Variants in PLCB4 observed in about 807,000 individuals in gnomAD.
PLCB4 encodes phospholipase C beta 4, also known as 1-phosphatidylinositol 4,5-bisphosphate phosphodiesterase beta-4.
A neutral mutation model predicts 178.8 loss-of-function variants in PLCB4; 77 were observed. That is an observed-to-expected ratio of 0.43 (90% CI 0.36 to 0.52). PLCB4 has a LOEUF of 0.52. Ranked by LOEUF, PLCB4 falls within the 20% of genes least tolerant of loss-of-function variation. The pLI is 0.00. For synonymous variants in PLCB4, 496 were observed against 490.8 expected, an observed-to-expected ratio of 1.01 and a Z score of -0.14; for missense variants, 1,024 against 1,453.4, an observed-to-expected ratio of 0.70 and a Z score of 4.80.
intron 2 of PLCB4, among the ~76,000 whole-genome samples, chr20:9,098,836 A>G (rs1195858215): frequency 1.4e-5 from 2 of 147,884 alleles, no homozygotes; most frequent in Non-Finnish European, 3.0e-5. Context: ...GGTCTTTTAC[A>G]ATACTCCACA....
chr20:9,221,094 G>T (rs188106848), intron 3 of PLCB4, among the ~76,000 whole-genome samples: 30 of 152,250 alleles, frequency 2.0e-4, no homozygotes, highest in Non-Finnish European at 2.5e-4. Flanking sequence ...GCTCCCAGGA[G>T]AAACTAGTGA....
Position 9,181,225 on chromosome 20 carries a change from G to C in PLCB4, c.-78-36165G>C, listed in dbSNP as rs964862004. 1.2e-4 allele frequency among the ~76,000 whole-genome samples: 18 copies of C among 152,220 alleles called. 1 individual carries two copies. Among genetic ancestry groups the C allele is most frequent in the Admixed American group, 7.9e-4 (12 of 15,276 alleles). ...TAGTCTTTTTGAGACCTCCCAAATGGTGCTGATCTAATTCATTTCTGCAAA... is the reference window on the plus strand; with the variant it reads ...TAGTCTTTTTGAGACCTCCCAAATGCTGCTGATCTAATTCATTTCTGCAAA... On this transcript the variant is annotated intron_variant, in intron 2 of 39. Coordinates refer to ENST00000378473, the MANE Select transcript of PLCB4 (RefSeq NM_001377142.1).
chr20:9,096,618 C>T (rs2090920385), intron 2 of PLCB4, among the ~76,000 whole-genome samples: 3 of 152,078 alleles, frequency 2.0e-5, no homozygotes, highest in African/African-American at 7.2e-5. Flanking sequence ...TTTTTTATTG[C>T]AATACATTTA....
At chr20:9,292,936 G>T (rs921930650) in intron 3 of PLCB4, among the ~76,000 whole-genome samples, 5 of 152,050 alleles carry the variant, frequency 3.3e-5, no homozygotes, top group African/African-American at 9.7e-5. Flanking sequence ...AAAATTATCC[G>T]AGTGTGGTGG....
intron 7 of PLCB4, among the ~76,000 whole-genome samples, chr20:9,355,393 A>G (rs2034710913): frequency 6.6e-6 from 1 of 152,108 alleles, no homozygotes; most frequent in Admixed American, 6.5e-5. Flanking sequence ...TGCTGCACCC[A>G]TTAACTCGTC....
At chr20:9,265,885 A>G (rs1351859258) in intron 3 of PLCB4, among the ~76,000 whole-genome samples, 1 of 152,214 alleles carries the variant, frequency 6.6e-6, no homozygotes, top group Non-Finnish European at 1.5e-5. Flanking sequence ...GCCCCACCAC[A>G]GATTTACTGA....
chr20:9,218,263 C>T (rs1439806795), intron 3 of PLCB4, among the ~76,000 whole-genome samples: 6 of 152,132 alleles, frequency 3.9e-5, no homozygotes, highest in African/African-American at 1.4e-4. Flanking sequence ...CATGCCACCA[C>T]GCCTGGCTAA....
At chr20:9,071,203 A>AGG in intron 1 of PLCB4, among the ~76,000 whole-genome samples, 1 of 152,226 alleles carries the variant, frequency 6.6e-6, no homozygotes, top group Non-Finnish European at 1.5e-5. Context: ...GAAATATTTC[A>AGG]ACCACAGCAG....
intron 2 of PLCB4, among the ~76,000 whole-genome samples, chr20:9,097,820 T>C (rs1003666744): frequency 1.3e-5 from 2 of 152,116 alleles, no homozygotes; most frequent in African/African-American, 4.8e-5. Flanking sequence ...AAGTGAAGAC[T>C]ATGGTCCATA....
chr20:9,110,124 G>A (rs6077492), intron 2 of PLCB4, among the ~76,000 whole-genome samples: 133,166 of 152,172 alleles, frequency 0.88, 58,548 homozygotes, highest in East Asian at 1. Flanking sequence ...TTTGTAGAAC[G>A]TTTTGAAACT....
chr20:9,463,164 C>G (rs929958752), intron 35 of PLCB4, among the ~76,000 whole-genome samples: 1 of 152,078 alleles, frequency 6.6e-6, no homozygotes, highest in East Asian at 1.9e-4. Flanking sequence ...TCCAGCCAAA[C>G]TAAGCTTCAT....
chr20:9,302,195 T>G (rs546722756), intron 3 of PLCB4, among the ~76,000 whole-genome samples: 1 of 151,846 alleles, frequency 6.6e-6, no homozygotes, highest in East Asian at 1.9e-4. Flanking sequence ...GCCAGTTAGT[T>G]GGCTGTGGGT....
chr20:9,202,585 G>C (rs1476546336), intron 2 of PLCB4, among the ~76,000 whole-genome samples: 1 of 152,036 alleles, frequency 6.6e-6, no homozygotes, highest in Non-Finnish European at 1.5e-5. Flanking sequence ...TGATGTCAGA[G>C]GTAGCAATGG....
intron 18 of PLCB4, among the ~76,000 whole-genome samples, chr20:9,395,171 G>T (rs1468658367): frequency 6.6e-6 from 1 of 152,060 alleles, no homozygotes; most frequent in Non-Finnish European, 1.5e-5. Flanking sequence ...GTAAACCTTG[G>T]TCTGTGCCAG....
At chr20:9,467,403 T>C (rs2043866135) in intron 35 of PLCB4, among the ~76,000 whole-genome samples, 1 of 152,160 alleles carries the variant, frequency 6.6e-6, no homozygotes, top group Admixed American at 6.6e-5. Context: ...GTTGTGCACA[T>C]GCACCCTAGA....
At chr20:9,247,834 A>G (rs2094140775) in intron 3 of PLCB4, among the ~76,000 whole-genome samples, 1 of 152,194 alleles carries the variant, frequency 6.6e-6, no homozygotes, top group African/African-American at 2.4e-5. Flanking sequence ...TGATTTCTGT[A>G]GGTGGAGATA....
intron 15 of PLCB4, among the ~76,000 whole-genome samples, chr20:9,388,557 A>G (rs902136825): frequency 1.3e-5 from 2 of 152,184 alleles, no homozygotes; most frequent in African/African-American, 2.4e-5. Context: ...TGTCTGTACT[A>G]AAAATACAAA....
At chr20:9,419,995 G>A in intron 26 of PLCB4, 86 bp downstream of exon 26, 1 of 848,170 alleles carries the variant, frequency 1.2e-6, no homozygotes, top group Non-Finnish European at 2.0e-6. Flanking sequence ...ATGTTAAATT[G>A]CAAGATCCAT....
intron 3 of PLCB4, among the ~76,000 whole-genome samples, chr20:9,229,563 G>C (rs74811182): frequency 0.074 from 11,227 of 152,008 alleles, 905 homozygotes; most frequent in African/African-American, 0.2. Flanking sequence ...GGTTCCATTG[G>C]AGTTGGAAGT....
Sources: allele counts gnomAD v4.1 joint callset (sites outside exome capture counted in the v4.1 genomes callset), GRCh38; gene constraint gnomAD v4.1.1; transcripts MANE v1.5; gene names NCBI Gene and HGNC (gene_info 2026-07-23, HGNC 2026-07-21).